Variants in EPAS1 observed in about 807,000 individuals in gnomAD.
EPAS1 encodes the protein endothelial PAS domain-containing protein 1.
Under a neutral mutation model 87.9 loss-of-function variants are expected in EPAS1, and 23 were observed. The observed-to-expected ratio is 0.26, with a 90% CI of 0.19 to 0.37. The LOEUF is 0.37. Ranked by LOEUF, EPAS1 falls within the 10% of genes least tolerant of loss-of-function variation. EPAS1 has a pLI of 1.00. For synonymous variants in EPAS1, 508 were observed against 444.3 expected, an observed-to-expected ratio of 1.14 and a Z score of -1.80; for missense variants, 1,138 against 1,120.7, an observed-to-expected ratio of 1.02 and a Z score of -0.22.
In EPAS1 at chr2:46,376,721, C is replaced by A; in HGVS notation, c.1217C>A (p.Thr406Asn). 6 of 1,612,864 alleles carry A rather than the reference C, an allele frequency of 3.7e-6. No homozygotes were observed. The highest frequency in any genetic ancestry group is 5.1e-6 in the Non-Finnish European group (6 of 1,179,954). ...EPEELAQLAP[T>N]PGDAIISLDF... The stretch of plus-strand genomic sequence containing the variant: ...GAGGAGCTGGCCCAGCTGGCTCCCA[C>A]CCCAGGAGACGCCATCATCTCTCTG... Residue 406 changes from threonine (T) to asparagine (N), a missense_variant, in exon 9 of 16, where the codon ACC becomes AAC. Physicochemically the swap from Thr to Asn is moderately conservative, Grantham distance 65. This residue lies in a region of EPAS1 where 284 missense variants were observed against 258.4 expected (regional missense o/e 1.10). Transcript: ENST00000263734.
At chr2:46,357,927 T>C (rs1356709551) in intron 4 of EPAS1, among the ~76,000 whole-genome samples, 2 of 152,150 alleles carry the variant, frequency 1.3e-5, no homozygotes, top group Non-Finnish European at 2.9e-5. Context: ...GACTGAAGCT[T>C]TGGTCAGAAT....
rs3832039 is a variant in EPAS1 at position 46,375,269 on chromosome 2, C to CAG, written c.887-421_887-420insAG. On this transcript the variant is annotated intron_variant, in intron 7 of 15. Transcript: ENST00000263734. The surrounding 1 kb of genome is among the most constrained non-coding windows in gnomAD (Gnocchi z 4.1). Reference sequence around the variant, plus strand: ...AAGTCCCCCCACCTGGAGTGCTTGACGGGATGGCGCTCCTTACCCAGTGTG... The same window carrying CAG: ...AAGTCCCCCCACCTGGAGTGCTTGACAGGGGATGGCGCTCCTTACCCAGTGTG... 0.56 allele frequency among the ~76,000 whole-genome samples: 83,723 copies of CAG among 150,646 alleles called. 24,017 individuals are homozygous for CAG. Among genetic ancestry groups the CAG allele is most frequent in the African/African-American group, 0.67 (27,321 of 41,048 alleles).
chr2:46,363,988 G>A (rs529108691), intron 6 of EPAS1, among the ~76,000 whole-genome samples: 6 of 152,210 alleles, frequency 3.9e-5, no homozygotes, highest in Non-Finnish European at 2.9e-5. Context: ...ATCCCTAAGT[G>A]TTATATCTTA....
intron 6 of EPAS1, among the ~76,000 whole-genome samples, chr2:46,366,908 G>A (rs145874419): frequency 2.8e-3 from 422 of 152,372 alleles, no homozygotes; most frequent in Non-Finnish European, 4.7e-3. Flanking sequence ...GTGCCTGCAC[G>A]TGGGGGCGAA....
chr2:46,331,276 T>A (rs1209037849), intron 1 of EPAS1, among the ~76,000 whole-genome samples: 3 of 152,164 alleles, frequency 2.0e-5, no homozygotes, highest in African/African-American at 4.8e-5. Flanking sequence ...AGGGTAGGGA[T>A]CTGTCTTCCC....
chr2:46,316,491 C>T (rs974914761), intron 1 of EPAS1, among the ~76,000 whole-genome samples: 2 of 152,146 alleles, frequency 1.3e-5, no homozygotes, highest in African/African-American at 2.4e-5. Flanking sequence ...GAACTACTGG[C>T]CTCAAATGAT....
intron 6 of EPAS1, among the ~76,000 whole-genome samples, chr2:46,363,984 A>G (rs1343444902): frequency 2.0e-5 from 3 of 152,226 alleles, no homozygotes; most frequent in Admixed American, 2.0e-4. Flanking sequence ...CTTAATCCCT[A>G]AGTGTTATAT....
intron 1 of EPAS1, chr2:46,335,617 C>T (rs142918960): frequency 2.0e-5 from 3 of 152,112 alleles, no homozygotes; most frequent in Admixed American, 6.5e-5. Context: ...GGGTAACTCC[C>T]TGTAAATTTG....
At chr2:46,319,794 A>C (rs1419530046) in intron 1 of EPAS1, among the ~76,000 whole-genome samples, 2 of 152,198 alleles carry the variant, frequency 1.3e-5, no homozygotes, top group African/African-American at 2.4e-5. Context: ...GAGGCTGGGG[A>C]TGATTGCTTG....
At chr2:46,337,652 GTGT>G (rs1328831654) in intron 1 of EPAS1, among the ~76,000 whole-genome samples, 1 of 152,190 alleles carries the variant, frequency 6.6e-6, no homozygotes, top group Non-Finnish European at 1.5e-5. Flanking sequence ...ACCACAGATG[GTGT>G]TGTTGGAAGC....
intron 4 of EPAS1, among the ~76,000 whole-genome samples, chr2:46,357,259 G>C (rs902962031): frequency 8.5e-5 from 13 of 152,218 alleles, no homozygotes; most frequent in African/African-American, 3.1e-4. Context: ...GGTGGGTCTT[G>C]TACTCCATGT....
At position 46,360,512 on chromosome 2, in the gene EPAS1, G is replaced by A; in HGVS notation, c.455-126G>A. Reference sequence around the variant, plus strand: ...TCAGTGTTGATGGCAGACCACAGGTGCTAAGAGAGCAGATATTTGGAAAAT... The same window carrying A: ...TCAGTGTTGATGGCAGACCACAGGTACTAAGAGAGCAGATATTTGGAAAAT... On this transcript the variant is annotated intron_variant, in intron 4 of 15. Coordinates refer to ENST00000263734, the MANE Select transcript of EPAS1 (RefSeq NM_001430.5). This position sits in a 1 kb window ranked among gnomAD's most constrained non-coding sequence, Gnocchi z 4.5. 1 of 833,396 alleles carries A rather than the reference G, an allele frequency of 1.2e-6. No homozygotes were observed. The allele number at this position is 833,396 out of a possible 1,614,324, so 51.6% of individuals were successfully genotyped here.
At chr2:46,370,582 C>T (rs1032956559) in intron 7 of EPAS1, among the ~76,000 whole-genome samples, 2 of 152,178 alleles carry the variant, frequency 1.3e-5, no homozygotes, top group African/African-American at 4.8e-5. Context: ...TTGAAAGAAG[C>T]CTGAGTTATG....
Position 46,380,046 on chromosome 2 carries a change from G to T in EPAS1, c.1555-181G>T. ...GAAGGCTGGTACATGATACAAGGTC[G>T]TGTACATGACACAGCCAAGTCTGAG... is the stretch of plus-strand genomic sequence containing the variant. On this transcript the variant is annotated intron_variant, in intron 11 of 15. Transcript: ENST00000263734. This position sits in a 1 kb window ranked among gnomAD's most constrained non-coding sequence, Gnocchi z 4.4. The T allele has an allele frequency of 1.1e-6, 1 of 888,078 alleles. No homozygotes were observed. Among genetic ancestry groups the T allele is most frequent in the Non-Finnish European group, 1.8e-6 (1 of 542,434 alleles). The allele number at this position is 888,078 out of a possible 1,614,324, so 55.0% of individuals were successfully genotyped here. A position where few individuals can be genotyped will look rare whatever the true frequency, so the allele number is the denominator to read the frequency against.
At chr2:46,349,231 G>T (rs1399274851) in intron 2 of EPAS1, among the ~76,000 whole-genome samples, 1 of 152,170 alleles carries the variant, frequency 6.6e-6, no homozygotes, top group Non-Finnish European at 1.5e-5. Flanking sequence ...TCAGAGAGTT[G>T]TCCTGTCCTT....
At chr2:46,333,225 T>A (rs1683723541) in intron 1 of EPAS1, among the ~76,000 whole-genome samples, 1 of 152,190 alleles carries the variant, frequency 6.6e-6, no homozygotes, top group South Asian at 2.1e-4. Flanking sequence ...CCGTGACTGA[T>A]TTAATCTTCA....
At position 46,347,106 on chromosome 2, in the gene EPAS1, T is replaced by TA. The variant is rs769192436; in HGVS notation, c.217+44dup. ...CCCTAGGCTGGGCAGATGCCAGCCTTACCAGCATGTTCCTATATGCAGGGG... is the reference window on the plus strand; with the variant it reads ...CCCTAGGCTGGGCAGATGCCAGCCTTAACCAGCATGTTCCTATATGCAGGGG... On this transcript the variant is annotated intron_variant, in intron 2 of 15. Coordinates refer to ENST00000263734, the MANE Select transcript of EPAS1 (RefSeq NM_001430.5). This position sits in a 1 kb window ranked among gnomAD's most constrained non-coding sequence, Gnocchi z 4.2. 1 of 1,606,886 alleles carries TA rather than the reference T, an allele frequency of 6.2e-7. No homozygotes were observed. Among genetic ancestry groups the TA allele is most frequent in the South Asian group, 1.1e-5 (1 of 90,926 alleles).
At position 46,297,760 on chromosome 2, in the gene EPAS1, C is replaced by T. The variant is rs899422416; in HGVS notation, c.-152C>T. The T allele has an allele frequency of 3.9e-6, 4 of 1,036,324 alleles. No individual in the cohort carries two copies. The African/African-American group carries it at 4.8e-5, about 13-fold the overall frequency. 64.2% of individuals were successfully genotyped at this position (1,036,324 alleles called of 1,614,324 possible). The stretch of plus-strand genomic sequence containing the variant: ...CACCTAGCCCGCCGCGCGCCACCTT[C>T]CACCTGACTGCGCGGGGCGCTCGGG... On this transcript the variant is annotated 5_prime_UTR_variant, in exon 1 of 16. Coordinates refer to ENST00000263734, the MANE Select transcript of EPAS1 (RefSeq NM_001430.5).
chr2:46,341,074 T>C (rs1683902896), intron 1 of EPAS1, among the ~76,000 whole-genome samples: 1 of 152,176 alleles, frequency 6.6e-6, no homozygotes, highest in Non-Finnish European at 1.5e-5. Context: ...TGTGATAGAT[T>C]CCCCTACTGA....
Sources: allele counts gnomAD v4.1 joint callset (sites outside exome capture counted in the v4.1 genomes callset), GRCh38; gene constraint gnomAD v4.1.1; regional missense constraint gnomAD v4.1.1; non-coding constraint Gnocchi (gnomAD v3.1); transcripts MANE v1.5; gene names NCBI Gene and HGNC (gene_info 2026-07-23, HGNC 2026-07-21).